ADRA1B: variants seen among roughly 807,000 people sequenced by gnomAD.
ADRA1B encodes alpha-1B adrenergic receptor.
A neutral mutation model predicts 17.9 loss-of-function variants in ADRA1B; 17 were observed. That is an observed-to-expected ratio of 0.95 (90% confidence interval 0.65 to 1.42). The LOEUF (loss-of-function observed/expected upper bound fraction) is 1.42. Among genes scored for constraint, ADRA1B ranks in the 40% most tolerant of loss-of-function variants. The pLI is 0.00. For synonymous variants in ADRA1B, 366 were observed against 327.6 expected (o/e 1.12, Z -1.27); for missense variants, 681 against 722.1 (o/e 0.94, Z 0.65).
At chr5:159,901,358 G>C (rs1754098377) in intron 1 of ADRA1B, among the ~76,000 whole-genome samples, 1 of 138,654 alleles carries the variant, frequency 7.2e-6, no homozygotes, top group Non-Finnish European at 1.5e-5. Context: ...AACCCCACTA[G>C]GATCACTACA....
At chr5:159,951,982 A>AAAGGCC (rs1412898413) in intron 1 of ADRA1B, among the ~76,000 whole-genome samples, 2 of 152,232 alleles carry the variant, frequency 1.3e-5, no homozygotes, top group African/African-American at 4.8e-5. Context: ...AGGCCTGGAG[A>AAAGGCC]TGGCAAAAGG....
At chr5:159,908,678 T>G (rs1240229662) in intron 1 of ADRA1B, among the ~76,000 whole-genome samples, 2 of 152,204 alleles carry the variant, frequency 1.3e-5, no homozygotes, top group Non-Finnish European at 2.9e-5. Context: ...TTTACAGCAG[T>G]GCAAGCGATT....
intron 1 of ADRA1B, among the ~76,000 whole-genome samples, chr5:159,884,178 A>G (rs1387472658): frequency 6.6e-6 from 1 of 152,382 alleles, no homozygotes; most frequent in East Asian, 1.9e-4. Context: ...GCAAAAAATA[A>G]TTGATTGTCC....
At chr5:159,921,185 C>T (rs946346394) in intron 1 of ADRA1B, among the ~76,000 whole-genome samples, 6 of 152,200 alleles carry the variant, frequency 3.9e-5, no homozygotes, top group Admixed American at 3.9e-4. Context: ...GCTCTCCCCA[C>T]CTGGGACATC....
intron 1 of ADRA1B, among the ~76,000 whole-genome samples, chr5:159,902,336 G>A (rs1226538492): frequency 6.6e-6 from 1 of 152,178 alleles, no homozygotes; most frequent in Non-Finnish European, 1.5e-5. Flanking sequence ...GCGGAATGGG[G>A]AGTTGTTGTT....
the ADRA1B span, among the ~76,000 whole-genome samples, chr5:159,980,157 A>C: frequency 0.14 from 21,113 of 151,896 alleles, 2,327 homozygotes; most frequent in African/African-American, 0.31. Flanking sequence ...AACTGGCCAG[A>C]AATGAGGATT....
chr5:159,953,090 G>A (rs1755477431), intron 1 of ADRA1B, among the ~76,000 whole-genome samples: 1 of 152,178 alleles, frequency 6.6e-6, no homozygotes, highest in Admixed American at 6.5e-5. Context: ...GCTGGATGTG[G>A]TGGCTCACAT....
At chr5:159,868,849 G>A (rs985403702) in intron 1 of ADRA1B, 1 of 152,122 alleles carries the variant, frequency 6.6e-6, no homozygotes, top group African/African-American at 2.4e-5. Flanking sequence ...TACTGAAAAG[G>A]ACCAGAGGGC....
chr5:159,957,698 G>A (rs558723589), intron 1 of ADRA1B, among the ~76,000 whole-genome samples: 1 of 151,668 alleles, frequency 6.6e-6, no homozygotes, highest in Admixed American at 6.6e-5. Flanking sequence ...CACTTTGGGA[G>A]GCCAGTGCAG....
At chr5:159,895,031 T>C (rs1754027208) in intron 1 of ADRA1B, among the ~76,000 whole-genome samples, 1 of 152,256 alleles carries the variant, frequency 6.6e-6, no homozygotes, top group Non-Finnish European at 1.5e-5. Context: ...ATTATAGAAC[T>C]ACTGTAAATG....
upstream of ADRA1B, among the ~76,000 whole-genome samples, chr5:159,914,680 C>A (rs1265706306): frequency 6.6e-6 from 1 of 152,124 alleles, no homozygotes; most frequent in Non-Finnish European, 1.5e-5. Context: ...ATGATAACCA[C>A]CTGCCTCCCT....
At chr5:159,897,933 A>G (rs1026359267) in intron 1 of ADRA1B, among the ~76,000 whole-genome samples, 6 of 152,226 alleles carry the variant, frequency 3.9e-5, no homozygotes, top group African/African-American at 1.4e-4. Context: ...TGTTCCTGCC[A>G]GAGGCTGGGA....
At chr5:159,868,649 C>T (rs188170372) in intron 1 of ADRA1B, 2 of 152,278 alleles carry the variant, frequency 1.3e-5, no homozygotes, top group East Asian at 3.9e-4. Flanking sequence ...CCTATGCAGT[C>T]TATGGGTGGC....
intron 1 of ADRA1B, chr5:159,955,146 G>C (rs1328229832): frequency 2.0e-6 from 2 of 985,164 alleles, no homozygotes; most frequent in African/African-American, 3.5e-5. Context: ...AAAGGGCTCT[G>C]GTGAGAAGAC....
intron 1 of ADRA1B, among the ~76,000 whole-genome samples, chr5:159,951,650 C>T (rs1308682098): frequency 6.6e-6 from 1 of 152,054 alleles, no homozygotes; most frequent in Admixed American, 6.5e-5. Flanking sequence ...GTCTGCTCCT[C>T]GGGCCGGAAC....
chr5:159,924,290 CGTGT>C (rs1179574027), intron 1 of ADRA1B, among the ~76,000 whole-genome samples: 1 of 152,026 alleles, frequency 6.6e-6, no homozygotes, highest in Non-Finnish European at 1.5e-5. Flanking sequence ...TGTCTCTGTG[CGTGT>C]GTATGTGTGT....
At chr5:159,942,656 C>CA (rs1755166768) in intron 1 of ADRA1B, among the ~76,000 whole-genome samples, 1 of 151,988 alleles carries the variant, frequency 6.6e-6, no homozygotes, top group Non-Finnish European at 1.5e-5. Context: ...TACAAACACA[C>CA]AAAAAAGACA....
intron 1 of ADRA1B, among the ~76,000 whole-genome samples, chr5:159,961,626 C>T (rs944096935): frequency 2.0e-5 from 3 of 152,162 alleles, no homozygotes; most frequent in Non-Finnish European, 4.4e-5. Flanking sequence ...GACGGTGTAG[C>T]CAAATGCCCC....
At chr5:159,865,391 C>G (rs1009476153) in intron 1 of ADRA1B, among the ~76,000 whole-genome samples, 2 of 151,876 alleles carry the variant, frequency 1.3e-5, no homozygotes, top group Non-Finnish European at 2.9e-5. Flanking sequence ...CAACACTGTG[C>G]AAAGCAGATG....
Sources: gnomAD v4.1 joint callset for allele counts (sites outside exome capture counted in the v4.1 genomes callset) on GRCh38, gnomAD v4.1.1 for gene constraint, MANE v1.5 for transcripts, NCBI Gene and HGNC (gene_info 2026-07-23, HGNC 2026-07-21) for gene names.